Variants in HECW2 observed in about 807,000 individuals in gnomAD.
HECW2 encodes the protein HECT, C2 and WW domain containing E3 ubiquitin protein ligase 2.
HECW2 carries 61 observed loss-of-function variants against 175.2 expected under a neutral mutation model. That is an observed-to-expected ratio of 0.35 (90% CI 0.28 to 0.43). HECW2 has a LOEUF of 0.43. Among genes scored for constraint, HECW2 ranks in the 20% least tolerant of loss-of-function variants. The pLI, the probability that HECW2 is intolerant of heterozygous loss-of-function variation, is 1.00. For synonymous variants in HECW2, 671 were observed against 731.0 expected (o/e 0.92, Z 1.32); for missense variants, 1,524 against 2,000.5 (o/e 0.76, Z 4.54).
At chr2:196,295,419 C>T (rs1328774466) in intron 13 of HECW2, among the ~76,000 whole-genome samples, 1 of 152,214 alleles carries the variant, frequency 6.6e-6, no homozygotes, top group East Asian at 1.9e-4. Flanking sequence ...TATATTTTCA[C>T]ATAAGTCATT....
At chr2:196,296,066 A>G (rs1690800443) in intron 13 of HECW2, among the ~76,000 whole-genome samples, 1 of 152,176 alleles carries the variant, frequency 6.6e-6, no homozygotes, top group Non-Finnish European at 1.5e-5. Context: ...CTAGACTGCT[A>G]TGTTTCTATA....
intron 20 of HECW2, 95 bp from the exon 21 acceptor site, chr2:196,240,657 T>TTAACTAGGTAA (rs1688415441): frequency 8.5e-7 from 1 of 1,173,918 alleles, no homozygotes; most frequent in African/African-American, 1.6e-5. Flanking sequence ...TTTGCCACAA[T>TTAACTAGGTAA]TAACTAGGTA....
chr2:196,354,973 T>A (rs752643332), intron 2 of HECW2, among the ~76,000 whole-genome samples: 2 of 152,192 alleles, frequency 1.3e-5, no homozygotes, highest in Non-Finnish European at 2.9e-5. Context: ...AAATTAAGAT[T>A]TTTTTCCCCA....
intron 18 of HECW2, among the ~76,000 whole-genome samples, chr2:196,254,866 T>C (rs947683826): frequency 2.0e-5 from 3 of 152,228 alleles, no homozygotes; most frequent in Non-Finnish European, 2.9e-5. Context: ...ATGGGTTTAT[T>C]GGCTATTCAT....
At chr2:196,527,888 T>C (rs1688723385) in intron 1 of HECW2, among the ~76,000 whole-genome samples, 1 of 152,202 alleles carries the variant, frequency 6.6e-6, no homozygotes, top group Admixed American at 6.5e-5. Context: ...AATTAATTTT[T>C]AAAAAAGGCT....
intron 13 of HECW2, among the ~76,000 whole-genome samples, chr2:196,304,145 G>A (rs1172954325): frequency 2.0e-5 from 3 of 152,172 alleles, no homozygotes; most frequent in Non-Finnish European, 2.9e-5. Flanking sequence ...CCAACCTTCT[G>A]TAGCCCTGCA....
At chr2:196,407,209 C>CT (rs142961175) in intron 2 of HECW2, among the ~76,000 whole-genome samples, 38,096 of 143,412 alleles carry the variant, frequency 0.27, 5,223 homozygotes, top group African/African-American at 0.36. Flanking sequence ...ACTTTCAAAA[C>CT]TTTTTTTTTT....
chr2:196,424,548 C>T (rs964389713), intron 2 of HECW2, among the ~76,000 whole-genome samples: 1 of 151,976 alleles, frequency 6.6e-6, no homozygotes, highest in African/African-American at 2.4e-5. Flanking sequence ...AAAGTACATA[C>T]GAATGATAAG....
At chr2:196,436,363 T>C (rs188862249) in intron 1 of HECW2, among the ~76,000 whole-genome samples, 1 of 138,794 alleles carries the variant, frequency 7.2e-6, no homozygotes, top group Non-Finnish European at 1.5e-5. Flanking sequence ...ATTGCACCAC[T>C]GGACTCCAGT....
At chr2:196,476,019 C>T (rs1287315047) in intron 1 of HECW2, among the ~76,000 whole-genome samples, 1 of 152,218 alleles carries the variant, frequency 6.6e-6, no homozygotes, top group Admixed American at 6.5e-5. Context: ...CAATACATTT[C>T]TCTGACACAG....
At chr2:196,249,289 A>G (rs537424366) in intron 19 of HECW2, among the ~76,000 whole-genome samples, 1 of 152,296 alleles carries the variant, frequency 6.6e-6, no homozygotes, top group East Asian at 1.9e-4. Flanking sequence ...TTCTGGCATC[A>G]CTGAGGTTGG....
intron 1 of HECW2, among the ~76,000 whole-genome samples, chr2:196,530,145 T>C (rs974201636): frequency 5.9e-5 from 9 of 152,204 alleles, no homozygotes; most frequent in Non-Finnish European, 8.8e-5. Flanking sequence ...TTGTCCTCTT[T>C]AAAGGGTGCA....
chr2:196,245,745 A>G lies in HECW2; in HGVS notation c.3530-3541T>C, dbSNP rs549500179. Among the ~76,000 whole-genome samples the G allele has an allele frequency of 4.6e-5, 7 of 152,358 alleles. No individual in the cohort carries two copies. In the East Asian group the frequency reaches 1.3e-3, roughly 29 times the overall value. On this transcript the variant is annotated intron_variant, in intron 19 of 28. Coordinates refer to ENST00000644978, the MANE Select transcript of HECW2 (RefSeq NM_001348768.2). ...ATAATCTGTCTGGAGATCTGTTTGT[A>G]TAGCTGGGCAAAGAGCTGAGTTATG...
chr2:196,365,614 C>T (rs1004604491), intron 2 of HECW2, among the ~76,000 whole-genome samples: 2 of 152,160 alleles, frequency 1.3e-5, no homozygotes, highest in South Asian at 4.1e-4. Flanking sequence ...AATCAGAAAG[C>T]TTTTTGAAAA....
At position 196,343,808 on chromosome 2, in the gene HECW2, T is replaced by C. The variant is rs747427777; in HGVS notation, c.293-44A>G. Reference sequence around the variant, plus strand: ...CACTTTTCAGATTAATTATAACCTTTCTCTCCGTAGCAGGAAGATTAACAT... The same window carrying C: ...CACTTTTCAGATTAATTATAACCTTCCTCTCCGTAGCAGGAAGATTAACAT... On this transcript the variant is annotated intron_variant, in intron 2 of 28. Coordinates refer to ENST00000644978, the MANE Select transcript of HECW2 (RefSeq NM_001348768.2). The C allele has an allele frequency of 1.0e-5, 12 of 1,155,330 alleles. No individual in the cohort carries two copies. In the East Asian group the frequency reaches 2.8e-4, roughly 27 times the overall value. The allele number at this position is 1,155,330 out of a possible 1,614,324, so 71.6% of individuals were successfully genotyped here.
chr2:196,212,009 G>C (rs1687306655), intron 28 of HECW2, among the ~76,000 whole-genome samples: 1 of 152,070 alleles, frequency 6.6e-6, no homozygotes, highest in African/African-American at 2.4e-5. Context: ...GGTAATTTTT[G>C]TATTTTTAGT....
intron 1 of HECW2, among the ~76,000 whole-genome samples, chr2:196,491,369 T>TATATACAC (rs1275717195): frequency 7.7e-6 from 1 of 130,630 alleles, no homozygotes; most frequent in Admixed American, 7.6e-5. Flanking sequence ...CATATATATA[T>TATATACAC]ACACACACAC....
chr2:196,306,051 G>C (rs1691247140), intron 13 of HECW2, among the ~76,000 whole-genome samples: 1 of 152,232 alleles, frequency 6.6e-6, no homozygotes, highest in Non-Finnish European at 1.5e-5. Flanking sequence ...GGAGATGGGG[G>C]CAGGAGGTGA....
In HECW2 at chr2:196,392,056, G is replaced by T. The variant is rs541028863; in HGVS notation, c.292+41076C>A. ...TGCAAAGACCCTACTTCCAAGCAAGGTCATATTCGGAGATTCAGGAAGACA... is the reference window on the plus strand; with the variant it reads ...TGCAAAGACCCTACTTCCAAGCAAGTTCATATTCGGAGATTCAGGAAGACA... On this transcript the variant is annotated intron_variant, in intron 2 of 28. Coordinates refer to ENST00000644978, the MANE Select transcript of HECW2 (RefSeq NM_001348768.2). Among the ~76,000 whole-genome samples the T allele has an allele frequency of 8.5e-5, 13 of 152,274 alleles. No homozygotes were observed. In the South Asian group the frequency reaches 2.7e-3, roughly 32 times the overall value.
Sources: gnomAD v4.1 joint callset for allele counts (sites outside exome capture counted in the v4.1 genomes callset) on GRCh38, gnomAD v4.1.1 for gene constraint, MANE v1.5 for transcripts, NCBI Gene and HGNC (gene_info 2026-07-23, HGNC 2026-07-21) for gene names.